The following RGS9 variants were observed in gnomAD, a reference collection of about 807,000 sequenced individuals.
The protein encoded by RGS9 is regulator of G protein signaling 9, also known as regulator of G-protein signalling 9.
In RGS9, 78 loss-of-function variants were observed where a neutral mutation model predicts 102.0. The ratio of observed to expected loss-of-function variants is 0.76; its 90% CI spans 0.64 to 0.92. The LOEUF is 0.92. RGS9 is among the 40% of genes least tolerant of loss of function. The pLI is 0.00. For synonymous variants in RGS9, 353 were observed against 318.6 expected (o/e 1.11, Z -1.15); for missense variants, 833 against 866.1 (o/e 0.96, Z 0.48).
chr17:65,225,380 T>C lies in RGS9; in HGVS notation c.1786T>C (p.Phe596Leu), dbSNP rs1905609720. The change falls in exon 18 of 19, where the codon TTT (phenylalanine) becomes CTT (leucine). Residue 596 changes from phenylalanine (F) to leucine (L), a missense_variant. By Grantham distance (22) the Phe-to-Leu change is conservative. This residue lies in a region of RGS9 where 320 missense variants were observed against 276.8 expected (regional missense o/e 1.16). Transcript: ENST00000262406. ...LRRGCLASPV[F>L]ARLSPKCPAV... ...ACGAGGCTGTCTGGCCTCACCTGTC[T>C]TTGCCAGGCTCTCACCCAAGTGCCC... 6.2e-7 allele frequency: 1 copy of C among 1,611,806 alleles called. No individual in the cohort carries two copies. The highest frequency in any genetic ancestry group is 1.1e-5 in the South Asian group (1 of 91,094).
At chr17:65,198,012 G>C (rs1826453300) in intron 13 of RGS9, among the ~76,000 whole-genome samples, 1 of 152,066 alleles carries the variant, frequency 6.6e-6, no homozygotes, top group Admixed American at 6.5e-5. Context: ...CATTCAGTCT[G>C]CCTGGGGATA....
chr17:65,159,532 G>C (rs958092323), intron 3 of RGS9, among the ~76,000 whole-genome samples: 6 of 152,174 alleles, frequency 3.9e-5, no homozygotes, highest in Non-Finnish European at 7.3e-5. Flanking sequence ...CTGAGCTATG[G>C]GATGGGGAGA....
chr17:65,183,796 C>G (rs1911996152), intron 9 of RGS9, among the ~76,000 whole-genome samples: 1 of 152,198 alleles, frequency 6.6e-6, no homozygotes, highest in Non-Finnish European at 1.5e-5. Flanking sequence ...TCCCAAGGTC[C>G]TTGCTTATTT....
chr17:65,215,131 A>G (rs1458199312), intron 17 of RGS9, among the ~76,000 whole-genome samples: 2 of 152,166 alleles, frequency 1.3e-5, no homozygotes, highest in African/African-American at 2.4e-5. Context: ...TCAGGAGCTG[A>G]GGAGTGAAGA....
chr17:65,188,350 C>A (rs1044425696), intron 9 of RGS9, among the ~76,000 whole-genome samples: 1 of 152,226 alleles, frequency 6.6e-6, no homozygotes, highest in Non-Finnish European at 1.5e-5. Context: ...CCTGCTCCAA[C>A]AGCTTCAGCA....
At chr17:65,216,441 AT>A (rs1723436483) in intron 17 of RGS9, among the ~76,000 whole-genome samples, 1 of 152,202 alleles carries the variant, frequency 6.6e-6, no homozygotes, top group African/African-American at 2.4e-5. Flanking sequence ...AAATCGAAGC[AT>A]CCTGGCTAAC....
intron 17 of RGS9, among the ~76,000 whole-genome samples, chr17:65,212,598 G>T (rs893118181): frequency 6.6e-6 from 1 of 152,204 alleles, no homozygotes; most frequent in Non-Finnish European, 1.5e-5. Context: ...TGTGCAAGAT[G>T]AGTTTAGAGA....
At chr17:65,201,453 A>G (rs937292077) in intron 13 of RGS9, among the ~76,000 whole-genome samples, 2 of 152,230 alleles carry the variant, frequency 1.3e-5, no homozygotes, top group Non-Finnish European at 1.5e-5. Flanking sequence ...TTCTCTAAGC[A>G]CAGCCAAACA....
chr17:65,211,873 T>C (rs1432817065), intron 17 of RGS9, among the ~76,000 whole-genome samples: 1 of 152,362 alleles, frequency 6.6e-6, no homozygotes, highest in East Asian at 1.9e-4. Context: ...GCTATTGCTG[T>C]GTGACAATCA....
chr17:65,196,103 C>G (rs1016385980), intron 12 of RGS9, among the ~76,000 whole-genome samples: 1 of 152,232 alleles, frequency 6.6e-6, no homozygotes, highest in Non-Finnish European at 1.5e-5. Context: ...CTCTTTGAGC[C>G]TCAGTTTTCT....
intron 9 of RGS9, among the ~76,000 whole-genome samples, chr17:65,180,332 CTTCT>C (rs1465905040): frequency 6.6e-6 from 1 of 151,962 alleles, no homozygotes; most frequent in Non-Finnish European, 1.5e-5. Flanking sequence ...GGAATCGATC[CTTCT>C]TTCTTTTTTT....
At chr17:65,181,859 C>A (rs1200806833) in intron 9 of RGS9, among the ~76,000 whole-genome samples, 1 of 152,194 alleles carries the variant, frequency 6.6e-6, no homozygotes, top group Non-Finnish European at 1.5e-5. Context: ...TGTGTAGTGT[C>A]TAGAATGCTA....
At chr17:65,190,367 C>G in intron 11 of RGS9, 131 bp downstream of exon 11, 1 of 804,430 alleles carries the variant, frequency 1.2e-6, no homozygotes, top group Non-Finnish European at 2.2e-6. Context: ...CAAAACCAGT[C>G]TCTTGGGGGC....
At chr17:65,199,487 C>A (rs1912731438) in intron 13 of RGS9, among the ~76,000 whole-genome samples, 2 of 135,142 alleles carry the variant, frequency 1.5e-5, no homozygotes, top group South Asian at 2.3e-4. Flanking sequence ...CGCTTCTGTT[C>A]CTTTTTTTTT....
chr17:65,202,408 G>GGTGT (rs746368093), intron 14 of RGS9, among the ~76,000 whole-genome samples: 3,000 of 132,176 alleles, frequency 0.023, 43 homozygotes, highest in African/African-American at 0.038. Context: ...TGTCCTGAGG[G>GGTGT]GTGTGTGTGT....
intron 7 of RGS9, among the ~76,000 whole-genome samples, chr17:65,166,266 G>T (rs1239710597): frequency 6.6e-6 from 1 of 152,220 alleles, no homozygotes; most frequent in African/African-American, 2.4e-5. Flanking sequence ...CTAGCTTCAA[G>T]GGGAGGAGAC....
intron 17 of RGS9, among the ~76,000 whole-genome samples, chr17:65,223,210 T>A (rs965534344): frequency 2.0e-5 from 3 of 152,252 alleles, no homozygotes; most frequent in Non-Finnish European, 2.9e-5. Context: ...GTCCAGGGCC[T>A]CACATTTGCT....
chr17:65,200,646 T>G (rs995304914), intron 13 of RGS9, among the ~76,000 whole-genome samples: 5 of 152,168 alleles, frequency 3.3e-5, no homozygotes, highest in African/African-American at 1.2e-4. Context: ...CCAACTAGTT[T>G]AAAATTGTGC....
intron 15 of RGS9, 84 bp downstream of exon 15, chr17:65,204,385 A>AAG: frequency 1.3e-6 from 2 of 1,500,410 alleles, no homozygotes; most frequent in Non-Finnish European, 1.8e-6. Flanking sequence ...ATATAGGAAA[A>AAG]AGAGAGAGGA....
Sources: allele counts gnomAD v4.1 joint callset (sites outside exome capture counted in the v4.1 genomes callset), GRCh38; gene constraint gnomAD v4.1.1; regional missense constraint gnomAD v4.1.1; transcripts MANE v1.5; gene names NCBI Gene and HGNC (gene_info 2026-07-23, HGNC 2026-07-21).